Variants in B3GALT1 observed in about 807,000 individuals in gnomAD.
B3GALT1 encodes UDP-Gal:betaGlcNAc beta 1,3-galactosyltransferase, polypeptide 1.
In B3GALT1, 10 loss-of-function variants were observed where a neutral mutation model predicts 23.2. The ratio of observed to expected loss-of-function variants is 0.43; its 90% confidence interval spans 0.27 to 0.73. B3GALT1 has a LOEUF of 0.73. Ranked by LOEUF, B3GALT1 falls within the 30% of genes least tolerant of loss-of-function variation. B3GALT1 has a pLI of 0.21. For synonymous variants in B3GALT1, 156 were observed against 141.5 expected (o/e 1.10, Z -0.73); for missense variants, 299 against 405.4 (o/e 0.74, Z 2.25).
intron 3 of B3GALT1, among the ~76,000 whole-genome samples, chr2:167,698,782 T>TC (rs1367016016): frequency 3.3e-5 from 5 of 152,226 alleles, no homozygotes; most frequent in African/African-American, 1.2e-4. Context: ...ACACTGCCGT[T>TC]CAATAAGTCT....
At chr2:167,370,692 C>A (rs924789929) in intron 1 of B3GALT1, among the ~76,000 whole-genome samples, 1 of 151,984 alleles carries the variant, frequency 6.6e-6, no homozygotes, top group Non-Finnish European at 1.5e-5. Flanking sequence ...ATTAGTAGGC[C>A]GAGGTGGGTG....
chr2:167,664,550 G>C (rs909180432), intron 3 of B3GALT1, among the ~76,000 whole-genome samples: 1 of 150,160 alleles, frequency 6.7e-6, no homozygotes, highest in South Asian at 2.1e-4. Flanking sequence ...AATTACCTTG[G>C]GCAGTATGAC....
chr2:167,526,394 A>T (rs1411316422), intron 2 of B3GALT1, among the ~76,000 whole-genome samples: 1 of 152,170 alleles, frequency 6.6e-6, no homozygotes, highest in African/African-American at 2.4e-5. Context: ...TTACTTATTC[A>T]TTCAACCCCA....
At chr2:167,822,590 A>C (rs765667149) in intron 4 of B3GALT1, among the ~76,000 whole-genome samples, 3 of 152,206 alleles carry the variant, frequency 2.0e-5, no homozygotes, top group Non-Finnish European at 4.4e-5. Context: ...CTTGACTCTG[A>C]GTTGCCTACA....
intron 1 of B3GALT1, among the ~76,000 whole-genome samples, chr2:167,369,728 T>C (rs1264632850): frequency 1.3e-5 from 2 of 152,186 alleles, no homozygotes; most frequent in Non-Finnish European, 2.9e-5. Flanking sequence ...CAATACGGCA[T>C]GTGCAGCAGC....
intron 1 of B3GALT1, among the ~76,000 whole-genome samples, chr2:167,488,820 A>G (rs1699661544): frequency 6.6e-6 from 1 of 152,184 alleles, no homozygotes; most frequent in African/African-American, 2.4e-5. Context: ...CTTCATATAA[A>G]TGTAACTATA....
chr2:167,810,824 T>C (rs558469667), intron 3 of B3GALT1, among the ~76,000 whole-genome samples: 1 of 152,228 alleles, frequency 6.6e-6, no homozygotes, highest in East Asian at 1.9e-4. Flanking sequence ...GGCAGAAAAA[T>C]AGTTGCTTTT....
intron 3 of B3GALT1, among the ~76,000 whole-genome samples, chr2:167,761,113 A>G (rs1687893647): frequency 6.6e-6 from 1 of 152,238 alleles, no homozygotes; most frequent in Non-Finnish European, 1.5e-5. Flanking sequence ...TGAAAAAGTA[A>G]TAGAAAATAC....
At chr2:167,617,359 A>G (rs1269244077) in intron 2 of B3GALT1, among the ~76,000 whole-genome samples, 1 of 152,092 alleles carries the variant, frequency 6.6e-6, no homozygotes, top group Non-Finnish European at 1.5e-5. Context: ...AAACTCACAT[A>G]TTCACTCTTA....
chr2:167,575,190 A>G lies in B3GALT1; in HGVS notation c.-409-71719A>G, dbSNP rs371482896. ...TAAATATGAAGAAGAATAGCTGAAC[A>G]CAGTAATGGCTAAAATAAAACATTG... On this transcript the variant is annotated intron_variant, in intron 2 of 4. Coordinates refer to ENST00000392690, the MANE Select transcript of B3GALT1 (RefSeq NM_020981.4). 2.0e-5 allele frequency among the ~76,000 whole-genome samples: 3 copies of G among 151,860 alleles called. No individual in the cohort carries two copies. The East Asian group carries it at 5.8e-4, about 29-fold the overall frequency.
chr2:167,790,521 C>T (rs749372467), intron 3 of B3GALT1, among the ~76,000 whole-genome samples: 6 of 152,222 alleles, frequency 3.9e-5, no homozygotes, highest in Non-Finnish European at 7.3e-5. Flanking sequence ...CGACACACAA[C>T]CACACGCTTT....
At chr2:167,715,571 A>G in intron 3 of B3GALT1, 1 of 1,613,902 alleles carries the variant, frequency 6.2e-7, no homozygotes, top group Non-Finnish European at 8.5e-7. Context: ...ATCTGCCATC[A>G]GTTCATCTTG....
rs184877935 is a variant in B3GALT1, at chr2:167,518,156, C to T, written c.-410+27879C>T. 7.2e-5 allele frequency among the ~76,000 whole-genome samples: 11 copies of T among 152,190 alleles called. No individual in the cohort carries two copies. The East Asian group carries it at 1.9e-3, about 27-fold the overall frequency. On this transcript the variant is annotated intron_variant, in intron 2 of 4. Transcript: ENST00000392690. ...ATTCCATCGAGGATCCAAATTATGG[C>T]CTTTGAATGGTTTTCTTCCACATAA... is the stretch of plus-strand genomic sequence containing the variant.
chr2:167,468,325 T>A (rs1166428061), intron 1 of B3GALT1, among the ~76,000 whole-genome samples: 1 of 152,148 alleles, frequency 6.6e-6, no homozygotes, highest in Non-Finnish European at 1.5e-5. Flanking sequence ...ATAATACTCT[T>A]TCTCGTAACA....
chr2:167,555,346 T>A (rs1683825416), intron 2 of B3GALT1, among the ~76,000 whole-genome samples: 1 of 152,170 alleles, frequency 6.6e-6, no homozygotes, highest in African/African-American at 2.4e-5. Context: ...AGAAGTAACT[T>A]GCCCTCAGGT....
intron 2 of B3GALT1, among the ~76,000 whole-genome samples, chr2:167,512,610 A>ATATATATATG (rs1297259757): frequency 9.0e-6 from 1 of 110,726 alleles, no homozygotes; most frequent in African/African-American, 3.7e-5. Flanking sequence ...ATATATATGT[A>ATATATATATG]TATATATATA....
intron 4 of B3GALT1, among the ~76,000 whole-genome samples, chr2:167,825,642 G>C (rs996482764): frequency 1.3e-5 from 2 of 151,806 alleles, no homozygotes; most frequent in Non-Finnish European, 2.9e-5. Context: ...GATAGGGATC[G>C]ATCCCTTTTC....
chr2:167,561,522 T>C (rs1193795316), intron 2 of B3GALT1, among the ~76,000 whole-genome samples: 1 of 151,744 alleles, frequency 6.6e-6, no homozygotes, highest in Non-Finnish European at 1.5e-5. Context: ...CAGGAGCTGG[T>C]TTTTTGAAAG....
At chr2:167,746,507 A>G (rs1438858690) in intron 3 of B3GALT1, among the ~76,000 whole-genome samples, 1 of 152,192 alleles carries the variant, frequency 6.6e-6, no homozygotes, top group East Asian at 1.9e-4. Flanking sequence ...GTTGTTTTCT[A>G]AAAAAGTCAT....
Sources: allele counts gnomAD v4.1 joint callset (sites outside exome capture counted in the v4.1 genomes callset), GRCh38; gene constraint gnomAD v4.1.1; transcripts MANE v1.5; gene names NCBI Gene and HGNC (gene_info 2026-07-23, HGNC 2026-07-21).